Variants in DENND1A observed in about 807,000 individuals in gnomAD.
DENND1A encodes the protein DENN domain-containing protein 1A.
A neutral mutation model predicts 113.7 loss-of-function variants in DENND1A; 51 were observed. That is an observed-to-expected ratio of 0.45 (90% CI 0.36 to 0.57). DENND1A has a LOEUF of 0.57. Ranked by LOEUF, DENND1A falls within the 20% of genes least tolerant of loss-of-function variation. The pLI, the probability that DENND1A is intolerant of heterozygous loss-of-function variation, is 0.00. For missense variants in DENND1A, 1,258 were observed against 1,395.9 expected, an observed-to-expected ratio of 0.90 and a Z score of 1.57; for synonymous variants, 565 against 570.8, an observed-to-expected ratio of 0.99 and a Z score of 0.14.
At chr9:123,928,672 G>A (rs1857515401) in intron 1 of DENND1A, 2 of 985,322 alleles carry the variant, frequency 2.0e-6, no homozygotes, top group Non-Finnish European at 2.4e-6. Context: ...TTTTGTAAAT[G>A]AGAAGCCTAA....
Position 123,459,350 on chromosome 9 carries a change from G to C in DENND1A, c.994-1453C>G, listed in dbSNP as rs546987316. ...GCAGTCCCTAGGCCACTGGCTGTGG[G>C]ACATACTTTGAAAACCATTTACACA... On this transcript the variant is annotated intron_variant, in intron 13 of 23. Coordinates refer to ENST00000394215, the MANE Select transcript of DENND1A (RefSeq NM_001352964.2). Among the ~76,000 whole-genome samples the C allele has an allele frequency of 1.5e-3, 228 of 152,274 alleles. 1 individual carries two copies. Among genetic ancestry groups the C allele is most frequent in the Non-Finnish European group, 2.5e-4 (17 of 68,026 alleles).
chr9:123,818,567 C>CATATATATATAT (rs148656992), intron 2 of DENND1A, among the ~76,000 whole-genome samples: 22 of 42,060 alleles, frequency 5.2e-4, no homozygotes, highest in African/African-American at 1.0e-3. Context: ...CACACACACA[C>CATATATATATAT]ATATATATAT....
chr9:123,753,209 G>C (rs920369381), intron 5 of DENND1A, among the ~76,000 whole-genome samples: 4 of 152,120 alleles, frequency 2.6e-5, no homozygotes, highest in Admixed American at 1.3e-4. Flanking sequence ...AGACTAGCTG[G>C]GAATGTCAGC....
chr9:123,488,933 G>A (rs939252474), intron 13 of DENND1A, among the ~76,000 whole-genome samples: 3 of 152,196 alleles, frequency 2.0e-5, no homozygotes, highest in Admixed American at 6.5e-5. Flanking sequence ...CGGCCAGGCA[G>A]GAGGTCTGCA....
chr9:123,587,790 C>T (rs1361390336), intron 11 of DENND1A, among the ~76,000 whole-genome samples: 1 of 152,174 alleles, frequency 6.6e-6, no homozygotes, highest in Non-Finnish European at 1.5e-5. Context: ...AGGAGCATTT[C>T]ATCTTTTATT....
At chr9:123,578,418 T>C (rs987712485) in intron 12 of DENND1A, among the ~76,000 whole-genome samples, 1 of 152,222 alleles carries the variant, frequency 6.6e-6, no homozygotes, top group Non-Finnish European at 1.5e-5. Flanking sequence ...CCAATTATTC[T>C]ATCATGGCTG....
At chr9:123,471,896 T>C (rs926921043) in intron 13 of DENND1A, among the ~76,000 whole-genome samples, 2 of 152,332 alleles carry the variant, frequency 1.3e-5, no homozygotes, top group African/African-American at 2.4e-5. Context: ...TCCTTTTCCA[T>C]GTTCTGCAGC....
At chr9:123,899,299 C>T (rs1020541029) in intron 1 of DENND1A, among the ~76,000 whole-genome samples, 8 of 152,226 alleles carry the variant, frequency 5.3e-5, no homozygotes, top group African/African-American at 1.7e-4. Context: ...CCTCCTGACT[C>T]GCCAGTGTCT....
At chr9:123,583,952 T>C (rs758110497) in intron 11 of DENND1A, among the ~76,000 whole-genome samples, 5 of 152,142 alleles carry the variant, frequency 3.3e-5, no homozygotes, top group Non-Finnish European at 7.3e-5. Context: ...GAACGGACAA[T>C]ATGGAGAAAA....
chr9:123,418,758 G>GCTAC (rs772698527), intron 19 of DENND1A, among the ~76,000 whole-genome samples: 5 of 152,226 alleles, frequency 3.3e-5, no homozygotes, highest in Non-Finnish European at 5.9e-5. Context: ...AACGAGGGCT[G>GCTAC]CTACCCATTT....
intron 2 of DENND1A, among the ~76,000 whole-genome samples, chr9:123,844,591 G>A (rs1842320250): frequency 6.6e-6 from 1 of 152,142 alleles, no homozygotes; most frequent in African/African-American, 2.4e-5. Context: ...TAAATGGAAA[G>A]ATATCCTATA....
intron 9 of DENND1A, among the ~76,000 whole-genome samples, chr9:123,633,502 C>A (rs10818851): frequency 0.44 from 66,336 of 151,960 alleles, 15,280 homozygotes; most frequent in African/African-American, 0.58. Flanking sequence ...AGTTTGGGTG[C>A]GGTGGCTCAC....
At chr9:123,457,712 G>C in intron 14 of DENND1A, 81 bp downstream of exon 14, 1 of 1,347,172 alleles carries the variant, frequency 7.4e-7, no homozygotes, top group Non-Finnish European at 1.0e-6. Context: ...CCATGCCTGC[G>C]GCCTCAGTAC....
intron 2 of DENND1A, among the ~76,000 whole-genome samples, chr9:123,838,877 G>A (rs572683447): frequency 1.2e-4 from 18 of 152,228 alleles, no homozygotes; most frequent in Admixed American, 7.2e-4. Flanking sequence ...AGCAGATAAC[G>A]GAAATATTTT....
chr9:123,906,931 T>C (rs1468526287), intron 1 of DENND1A, among the ~76,000 whole-genome samples: 6 of 131,216 alleles, frequency 4.6e-5, no homozygotes, highest in Non-Finnish European at 1.0e-4. Flanking sequence ...ACCAATATCC[T>C]TGATGAACAT....
At chr9:123,723,514 G>T (rs2067487004) in intron 5 of DENND1A, among the ~76,000 whole-genome samples, 1 of 152,138 alleles carries the variant, frequency 6.6e-6, no homozygotes. Flanking sequence ...AACTCCCACA[G>T]TTCCCATGTG....
rs1256877599 is a variant in DENND1A, at chr9:123,852,312, C to T, written c.88+26639G>A. Among the ~76,000 whole-genome samples the T allele has an allele frequency of 2.0e-5, 3 of 152,116 alleles. No individual in the cohort carries two copies. The East Asian group carries it at 5.8e-4, about 29-fold the overall frequency. On this transcript the variant is annotated intron_variant, in intron 2 of 23. Transcript: ENST00000394215. The stretch of plus-strand genomic sequence containing the variant: ...GTCTGAGCTGCTGATGTAAGGATGG[C>T]ACTTTTGGGGACCTTGGGGAGGCTG...
At chr9:123,406,095 G>C (rs189004205) in intron 20 of DENND1A, among the ~76,000 whole-genome samples, 10 of 152,216 alleles carry the variant, frequency 6.6e-5, no homozygotes, top group Non-Finnish European at 1.2e-4. Flanking sequence ...GAAGCTTGTG[G>C]GTGACACGGC....
intron 12 of DENND1A, among the ~76,000 whole-genome samples, chr9:123,562,402 C>T (rs1003846390): frequency 2.0e-5 from 3 of 152,124 alleles, no homozygotes; most frequent in Non-Finnish European, 4.4e-5. Flanking sequence ...TACATTATCC[C>T]GCATCCTCAC....
Sources: allele counts gnomAD v4.1 joint callset (sites outside exome capture counted in the v4.1 genomes callset), GRCh38; gene constraint gnomAD v4.1.1; transcripts MANE v1.5; gene names NCBI Gene and HGNC (gene_info 2026-07-23, HGNC 2026-07-21).